The following EYS variants were observed in gnomAD, a reference collection of about 807,000 sequenced individuals.
The protein encoded by EYS is protein eyes shut homolog.
EYS carries 250 observed loss-of-function variants against 282.1 expected under a neutral mutation model. The ratio of observed to expected loss-of-function variants is 0.89; its 90% CI spans 0.80 to 0.98. The LOEUF is 0.98. EYS is among the 50% of genes least tolerant of loss of function. The pLI, the probability that EYS is intolerant of heterozygous loss-of-function variation, is 0.00. For missense variants in EYS, 4,016 were observed against 3,709.0 expected, an observed-to-expected ratio of 1.08 and a Z score of -2.15; for synonymous variants, 1,355 against 1,282.9, an observed-to-expected ratio of 1.06 and a Z score of -1.20.
intron 5 of EYS, among the ~76,000 whole-genome samples, chr6:65,466,401 T>C (rs1202370948): frequency 6.6e-6 from 1 of 152,102 alleles, no homozygotes; most frequent in Non-Finnish European, 1.5e-5. Flanking sequence ...ATATAATATG[T>C]ACCATTTATT....
chr6:64,228,460 T>C (rs1212021621), intron 31 of EYS, among the ~76,000 whole-genome samples: 1 of 152,126 alleles, frequency 6.6e-6, no homozygotes, highest in East Asian at 1.9e-4. Context: ...ATTAATGAAT[T>C]AAAGTTATTC....
intron 12 of EYS, among the ~76,000 whole-genome samples, chr6:65,181,966 A>C (rs1306205729): frequency 1.3e-5 from 2 of 151,876 alleles, no homozygotes; most frequent in South Asian, 2.1e-4. Flanking sequence ...GGACAAAAAA[A>C]CAAACACCAC....
At chr6:64,251,635 C>T (rs975728155) in intron 30 of EYS, among the ~76,000 whole-genome samples, 3 of 152,074 alleles carry the variant, frequency 2.0e-5, no homozygotes, top group Non-Finnish European at 4.4e-5. Context: ...TTCATTTTCT[C>T]TTATTTGTTT....
rs781414236 is a variant in EYS at position 65,092,911 on chromosome 6, T to C, written c.2024-35184A>G. ...AAAAGAGAAAAAGGCAGAAAGCTTA[T>C]CTAAAGAAATAATAACCAACAACTT... On this transcript the variant is annotated intron_variant, in intron 12 of 42. Transcript: ENST00000503581. 2.6e-5 allele frequency among the ~76,000 whole-genome samples: 4 copies of C among 152,262 alleles called. No individual in the cohort carries two copies. The South Asian group carries it at 8.3e-4, about 32-fold the overall frequency.
At chr6:63,934,503 C>T (rs543704771) in intron 35 of EYS, among the ~76,000 whole-genome samples, 3 of 152,180 alleles carry the variant, frequency 2.0e-5, no homozygotes, top group East Asian at 1.9e-4. Context: ...CCAACCCAAA[C>T]GTCCAACAAT....
chr6:64,073,762 ATG>A (rs886472090), intron 32 of EYS, among the ~76,000 whole-genome samples: 2 of 151,068 alleles, frequency 1.3e-5, no homozygotes, highest in African/African-American at 4.9e-5. Flanking sequence ...CTTTATATAT[ATG>A]TGTGTGTGTG....
intron 31 of EYS, among the ~76,000 whole-genome samples, chr6:64,099,557 A>G (rs1462646024): frequency 3.3e-5 from 5 of 152,134 alleles, no homozygotes; most frequent in Non-Finnish European, 7.3e-5. Context: ...CTGTTTGATG[A>G]TCTTCCATGT....
At chr6:64,634,059 C>T (rs1244662974) in intron 22 of EYS, among the ~76,000 whole-genome samples, 3 of 152,202 alleles carry the variant, frequency 2.0e-5, no homozygotes, top group Admixed American at 1.3e-4. Context: ...TCTCAACTCA[C>T]TTCAACCTCC....
intron 29 of EYS, among the ~76,000 whole-genome samples, chr6:64,335,744 T>C (rs1040026990): frequency 1.3e-5 from 2 of 152,088 alleles, no homozygotes; most frequent in African/African-American, 4.8e-5. Flanking sequence ...AGGTGACCTA[T>C]AAAGGAAAAC....
At chr6:64,607,671 A>C (rs1340867646) in intron 24 of EYS, among the ~76,000 whole-genome samples, 1 of 152,152 alleles carries the variant, frequency 6.6e-6, no homozygotes, top group African/African-American at 2.4e-5. Context: ...GCCATAACAG[A>C]ATAGATAAGC....
chr6:65,335,239 C>G (rs1769944104), intron 10 of EYS, 93 bp from the exon 11 acceptor site: 2 of 879,002 alleles, frequency 2.3e-6, no homozygotes, highest in East Asian at 2.5e-5. Context: ...AGATGCCTCT[C>G]TGTCTACTAA....
intron 13 of EYS, among the ~76,000 whole-genome samples, chr6:65,049,570 G>A (rs1415169784): frequency 6.6e-6 from 1 of 151,680 alleles, no homozygotes; most frequent in Admixed American, 6.6e-5. Flanking sequence ...TAATATCACA[G>A]TTTAAGGGTG....
intron 19 of EYS, among the ~76,000 whole-genome samples, chr6:64,830,692 CA>C (rs886264402): frequency 2.4e-4 from 37 of 151,924 alleles, no homozygotes; most frequent in Non-Finnish European, 5.2e-4. Context: ...TCTATTTACC[CA>C]GGAAGAGACA....
intron 2 of EYS, among the ~76,000 whole-genome samples, chr6:65,506,636 C>T (rs1207221972): frequency 7.1e-6 from 1 of 140,860 alleles, no homozygotes; most frequent in Non-Finnish European, 1.5e-5. Context: ...TGTCACCAGA[C>T]CAGACTATGA....
intron 31 of EYS, among the ~76,000 whole-genome samples, chr6:64,145,510 ATTCT>A (rs1461165430): frequency 2.6e-5 from 4 of 152,276 alleles, no homozygotes; most frequent in African/African-American, 4.8e-5. Flanking sequence ...TATTTGTCAA[ATTCT>A]TTCTTTAGTT....
intron 19 of EYS, among the ~76,000 whole-genome samples, chr6:64,869,386 C>G (rs1448369789): frequency 6.6e-6 from 1 of 151,408 alleles, no homozygotes; most frequent in African/African-American, 2.4e-5. Context: ...AGTCCCTGCC[C>G]TCATGGAACT....
chr6:63,861,377 C>CA lies in EYS; in HGVS notation c.7228+2808dup, dbSNP rs764916307. Among the ~76,000 whole-genome samples, 5 of 152,280 alleles carry CA rather than the reference C, an allele frequency of 3.3e-5. No individual in the cohort carries two copies. The East Asian group carries it at 9.6e-4, about 29-fold the overall frequency. On this transcript the variant is annotated intron_variant, in intron 36 of 42. Coordinates refer to ENST00000503581, the MANE Select transcript of EYS (RefSeq NM_001142800.2). ...CCACTGCCATTGCCCTTGTCCTAGGCATAATTATCTTTTGTCAGGACCACT... is the reference window on the plus strand; with the variant it reads ...CCACTGCCATTGCCCTTGTCCTAGGCAATAATTATCTTTTGTCAGGACCACT...
chr6:63,820,576 G>T (rs756584144), intron 36 of EYS, among the ~76,000 whole-genome samples: 1 of 152,028 alleles, frequency 6.6e-6, no homozygotes, highest in Non-Finnish European at 1.5e-5. Flanking sequence ...ACTGATTCAT[G>T]TTTCATCTTT....
intron 22 of EYS, among the ~76,000 whole-genome samples, chr6:64,805,684 A>T (rs925482941): frequency 2.0e-5 from 3 of 151,252 alleles, no homozygotes; most frequent in African/African-American, 7.2e-5. Context: ...ATTTTAATGA[A>T]TTCTAATTTA....
Sources: gnomAD v4.1 joint callset for allele counts (sites outside exome capture counted in the v4.1 genomes callset) on GRCh38, gnomAD v4.1.1 for gene constraint, MANE v1.5 for transcripts, NCBI Gene and HGNC (gene_info 2026-07-23, HGNC 2026-07-21) for gene names.